Variants in ARL15 observed in about 807,000 individuals in gnomAD.
The protein encoded by ARL15 is ARF like GTPase 15.
In ARL15, 19 loss-of-function variants were observed where a neutral mutation model predicts 25.2. That is an observed-to-expected ratio of 0.75 (90% CI 0.53 to 1.10). The LOEUF (loss-of-function observed/expected upper bound fraction) is 1.10, where lower values mean the gene tolerates loss of function less well. Ranked by LOEUF, ARL15 falls within the 50% of genes least tolerant of loss-of-function variation. The probability of loss-of-function intolerance (pLI) is 0.00; values close to 1 mark genes in which losing one functional copy is unlikely to be tolerated. For missense variants in ARL15, 220 were observed against 246.0 expected, an observed-to-expected ratio of 0.89 and a Z score of 0.71; for synonymous variants, 94 against 86.8, an observed-to-expected ratio of 1.08 and a Z score of -0.46.
At chr5:54,266,035 C>A (rs1474208914) in intron 1 of ARL15, among the ~76,000 whole-genome samples, 2 of 152,274 alleles carry the variant, frequency 1.3e-5, no homozygotes, top group East Asian at 1.9e-4. Context: ...TATTTCAGAT[C>A]CCTGTTCTAA....
intron 1 of ARL15, among the ~76,000 whole-genome samples, chr5:54,301,836 A>G (rs962415297): frequency 2.0e-5 from 3 of 152,242 alleles, no homozygotes; most frequent in Non-Finnish European, 4.4e-5. Flanking sequence ...AATTAGTGGG[A>G]TAAGTCCTCA....
chr5:54,261,928 A>G (rs1286729611), intron 1 of ARL15, among the ~76,000 whole-genome samples: 2 of 152,200 alleles, frequency 1.3e-5, no homozygotes, highest in East Asian at 3.9e-4. Flanking sequence ...AAGTTAAATT[A>G]ATCATCCAAT....
intron 4 of ARL15, among the ~76,000 whole-genome samples, chr5:54,082,211 A>C (rs1345096103): frequency 6.6e-6 from 1 of 152,190 alleles, no homozygotes; most frequent in African/African-American, 2.4e-5. Context: ...AGTATTTAAA[A>C]ACGAGTATTC....
chr5:53,979,776 AGC>A (rs1183106216), intron 4 of ARL15, among the ~76,000 whole-genome samples: 1 of 151,924 alleles, frequency 6.6e-6, no homozygotes. Flanking sequence ...TAATTTGTTT[AGC>A]ATCTGCTTGG....
intron 4 of ARL15, among the ~76,000 whole-genome samples, chr5:54,057,844 A>G (rs570388325): frequency 8.6e-5 from 13 of 152,028 alleles, no homozygotes; most frequent in African/African-American, 2.9e-4. Flanking sequence ...ACAGAGTGAG[A>G]CTCTGACCCT....
At chr5:53,897,556 CAT>C (rs1302702239) in intron 4 of ARL15, among the ~76,000 whole-genome samples, 1 of 152,128 alleles carries the variant, frequency 6.6e-6, no homozygotes, top group Non-Finnish European at 1.5e-5. Context: ...TGTGTAAACA[CAT>C]GTTTTCATTT....
intron 4 of ARL15, among the ~76,000 whole-genome samples, chr5:54,080,105 T>C (rs993733105): frequency 6.6e-6 from 1 of 152,194 alleles, no homozygotes; most frequent in Admixed American, 6.5e-5. Context: ...AACAAGGCCC[T>C]ATATTAGGTA....
In ARL15 at chr5:54,145,908, T is replaced by C. The variant is rs148698519; in HGVS notation, c.253+8672A>G. 4.7e-3 allele frequency among the ~76,000 whole-genome samples: 713 copies of C among 152,306 alleles called. 2 individuals are homozygous for C. The highest frequency in any genetic ancestry group is 7.8e-3 in the Non-Finnish European group (533 of 68,024). On this transcript the variant is annotated intron_variant, in intron 3 of 4. Transcript: ENST00000504924. ...TCAATGATTCATAAATCTCCAATCTTGTTTCATCTGTAAACTAAACTTAGT... is the reference window on the plus strand; with the variant it reads ...TCAATGATTCATAAATCTCCAATCTCGTTTCATCTGTAAACTAAACTTAGT...
intron 4 of ARL15, among the ~76,000 whole-genome samples, chr5:53,977,970 G>A (rs1417502265): frequency 1.3e-5 from 2 of 151,998 alleles, no homozygotes; most frequent in Non-Finnish European, 2.9e-5. Context: ...GAGGCTTTTC[G>A]CCTATAATAG....
intron 1 of ARL15, among the ~76,000 whole-genome samples, chr5:54,252,775 A>G (rs1757267856): frequency 6.6e-6 from 1 of 152,136 alleles, no homozygotes; most frequent in Admixed American, 6.6e-5. Flanking sequence ...CCCAGGCTGG[A>G]GTGCAGTGGC....
chr5:54,040,624 A>C (rs138184018), intron 4 of ARL15, among the ~76,000 whole-genome samples: 72 of 152,294 alleles, frequency 4.7e-4, no homozygotes, highest in African/African-American at 1.6e-3. Flanking sequence ...CCTCAAAGCC[A>C]AATACAGTTT....
At chr5:54,305,634 C>G (rs1056171812) in intron 1 of ARL15, among the ~76,000 whole-genome samples, 25 of 152,210 alleles carry the variant, frequency 1.6e-4, no homozygotes, top group Admixed American at 1.6e-3. Flanking sequence ...TACACACACA[C>G]CTATGATAAA....
In ARL15 at chr5:54,004,513, T is replaced by G. The variant is rs192603067; in HGVS notation, c.462+108689A>C. ...GTGTCTCAAAAAAAAAAAAAAAAAA[T>G]TCTCACCATGCTATAGATGAGGAAG... On this transcript the variant is annotated intron_variant, in intron 4 of 4. Transcript: ENST00000504924. Among the ~76,000 whole-genome samples the G allele has an allele frequency of 5.5e-3, 758 of 138,910 alleles. 5 individuals are homozygous for G. Among genetic ancestry groups the G allele is most frequent in the Non-Finnish European group, 7.0e-3 (451 of 64,836 alleles). The allele number at this position is 138,910 out of a possible 152,430, so 91.1% of individuals were successfully genotyped here.
At chr5:54,280,876 T>C (rs1758040902) in intron 1 of ARL15, among the ~76,000 whole-genome samples, 2 of 151,838 alleles carry the variant, frequency 1.3e-5, no homozygotes, top group African/African-American at 4.8e-5. Flanking sequence ...TTAATCTGAT[T>C]AGAAAAGTCC....
chr5:54,270,507 C>T (rs868046223), intron 1 of ARL15, among the ~76,000 whole-genome samples: 1 of 152,210 alleles, frequency 6.6e-6, no homozygotes, highest in Non-Finnish European at 1.5e-5. Flanking sequence ...ATCCTGGTTT[C>T]GACACACTAA....
intron 4 of ARL15, among the ~76,000 whole-genome samples, chr5:53,924,207 A>G (rs1302638852): frequency 1.3e-5 from 2 of 152,192 alleles, no homozygotes; most frequent in Non-Finnish European, 2.9e-5. Context: ...CAGCTTTTGG[A>G]AAGTTGCCAT....
chr5:54,183,185 T>A (rs1755114675), intron 1 of ARL15, among the ~76,000 whole-genome samples: 1 of 88,692 alleles, frequency 1.1e-5, no homozygotes, highest in Non-Finnish European at 2.4e-5. Context: ...TCCAACACTA[T>A]GTTGAATAGG....
At chr5:54,067,499 C>A (rs1460744135) in intron 4 of ARL15, among the ~76,000 whole-genome samples, 1 of 152,066 alleles carries the variant, frequency 6.6e-6, no homozygotes, top group African/African-American at 2.4e-5. Flanking sequence ...TATTCAGTTA[C>A]ATCAAAAAGG....
chr5:54,297,012 C>T (rs889609110), intron 1 of ARL15, among the ~76,000 whole-genome samples: 1 of 152,166 alleles, frequency 6.6e-6, no homozygotes, highest in African/African-American at 2.4e-5. Context: ...ATGAAAGATG[C>T]TATTTCATCT....
Sources: allele counts gnomAD v4.1 joint callset (sites outside exome capture counted in the v4.1 genomes callset), GRCh38; gene constraint gnomAD v4.1.1; transcripts MANE v1.5; gene names NCBI Gene and HGNC (gene_info 2026-07-23, HGNC 2026-07-21).